Variants in EXOC4 observed in about 807,000 individuals in gnomAD.
EXOC4 encodes the protein SEC8-like 1.
Under a neutral mutation model 107.2 loss-of-function variants are expected in EXOC4, and 71 were observed. The ratio of observed to expected loss-of-function variants is 0.66; its 90% CI spans 0.55 to 0.81. The LOEUF is 0.81. Among genes scored for constraint, EXOC4 ranks in the 30% least tolerant of loss-of-function variants. The pLI is 0.00. For missense variants in EXOC4, 1,108 were observed against 1,189.6 expected, an observed-to-expected ratio of 0.93 and a Z score of 1.01; for synonymous variants, 456 against 441.2, an observed-to-expected ratio of 1.03 and a Z score of -0.42.
intron 17 of EXOC4, among the ~76,000 whole-genome samples, chr7:134,034,510 T>C (rs1052180501): frequency 1.3e-5 from 2 of 152,152 alleles, no homozygotes; most frequent in Non-Finnish European, 2.9e-5. Flanking sequence ...TTCCCCCATG[T>C]TTTTCTCGTG....
intron 17 of EXOC4, among the ~76,000 whole-genome samples, chr7:134,038,890 A>G (rs1163584068): frequency 6.6e-6 from 1 of 152,192 alleles, no homozygotes; most frequent in African/African-American, 2.4e-5. Flanking sequence ...AGATGAATGG[A>G]AGTTTGCTTA....
intron 1 of EXOC4, among the ~76,000 whole-genome samples, chr7:133,272,285 T>C (rs1197368316): frequency 6.6e-6 from 1 of 152,154 alleles, no homozygotes; most frequent in Non-Finnish European, 1.5e-5. Context: ...GAGACCCCAC[T>C]CTGTAGCTGT....
intron 7 of EXOC4, among the ~76,000 whole-genome samples, chr7:133,417,744 G>C (rs946001227): frequency 6.6e-6 from 1 of 151,998 alleles, no homozygotes; most frequent in African/African-American, 2.4e-5. Context: ...AGTACCTTTA[G>C]TCACCATGGT....
At chr7:133,555,109 C>G (rs530525256) in intron 9 of EXOC4, among the ~76,000 whole-genome samples, 4 of 152,290 alleles carry the variant, frequency 2.6e-5, no homozygotes, top group South Asian at 4.1e-4. Flanking sequence ...TTGAGTCCCC[C>G]TCAGCCTAAG....
intron 9 of EXOC4, among the ~76,000 whole-genome samples, chr7:133,519,351 A>G (rs894843363): frequency 5.9e-5 from 9 of 152,102 alleles, no homozygotes; most frequent in Admixed American, 4.6e-4. Flanking sequence ...TGAGCCCAGG[A>G]GGTCGAGGCT....
chr7:133,393,911 GA>G (rs1796912410), intron 7 of EXOC4, among the ~76,000 whole-genome samples: 1 of 152,182 alleles, frequency 6.6e-6, no homozygotes, highest in African/African-American at 2.4e-5. Context: ...TCATGTAGCA[GA>G]AGACTCATAA....
chr7:134,092,116 T>A, the EXOC4 span, among the ~76,000 whole-genome samples: 6 of 152,296 alleles, frequency 3.9e-5, no homozygotes, highest in African/African-American at 1.4e-4. Flanking sequence ...ATTACATTAT[T>A]TTAAATGTCC....
At chr7:133,800,683 A>G (rs1796920674) in intron 10 of EXOC4, among the ~76,000 whole-genome samples, 1 of 152,216 alleles carries the variant, frequency 6.6e-6, no homozygotes, top group Non-Finnish European at 1.5e-5. Flanking sequence ...TTAGGGAAAC[A>G]TTTCACAAAG....
rs1796617608 is a variant in EXOC4 at position 133,787,964 on chromosome 7, TATATA to T, written c.1515-29360_1515-29356del. 3.4e-3 allele frequency among the ~76,000 whole-genome samples: 31 copies of T among 9,242 alleles called. 1 individual carries two copies. Among genetic ancestry groups the T allele is most frequent in the African/African-American group, 8.5e-3 (28 of 3,306 alleles). The allele number at this position is 9,242 out of a possible 152,430, so 6.1% of individuals were successfully genotyped here. ...TTCCCTGTGCATATATTTATATATT[TATATA>T]TATATATATATATATATATATATAT... is the stretch of plus-strand genomic sequence containing the variant. On this transcript the variant is annotated intron_variant, in intron 10 of 17. Coordinates refer to ENST00000253861, the MANE Select transcript of EXOC4 (RefSeq NM_021807.4).
At chr7:133,831,819 A>G (rs780334045) in intron 11 of EXOC4, among the ~76,000 whole-genome samples, 2 of 152,200 alleles carry the variant, frequency 1.3e-5, no homozygotes, top group Non-Finnish European at 2.9e-5. Context: ...GAATATATTC[A>G]TATCCGTATA....
chr7:134,037,274 A>G (rs1795412018), intron 17 of EXOC4, among the ~76,000 whole-genome samples: 1 of 152,188 alleles, frequency 6.6e-6, no homozygotes, highest in Non-Finnish European at 1.5e-5. Context: ...TCCGGATCCT[A>G]CAGAGCTCCA....
At chr7:133,977,971 C>A (rs1385871033) in intron 14 of EXOC4, among the ~76,000 whole-genome samples, 1 of 152,168 alleles carries the variant, frequency 6.6e-6, no homozygotes, top group Non-Finnish European at 1.5e-5. Flanking sequence ...CAAAAGGTTT[C>A]TTTGTACATA....
chr7:133,672,352 C>T (rs1361177322), intron 10 of EXOC4, among the ~76,000 whole-genome samples: 1 of 149,696 alleles, frequency 6.7e-6, no homozygotes, highest in Non-Finnish European at 1.5e-5. Flanking sequence ...GATCGCACCA[C>T]TGCACTCCAG....
At chr7:133,308,251 C>A (rs909666423) in intron 4 of EXOC4, among the ~76,000 whole-genome samples, 4 of 152,060 alleles carry the variant, frequency 2.6e-5, no homozygotes, top group African/African-American at 4.8e-5. Flanking sequence ...TTATGTTCCC[C>A]CTAAAATTCA....
intron 7 of EXOC4, among the ~76,000 whole-genome samples, chr7:133,451,809 G>GT (rs1317471309): frequency 3.9e-5 from 6 of 152,118 alleles, no homozygotes; most frequent in African/African-American, 1.4e-4. Context: ...TTTCCAGTGT[G>GT]TTGGTAGGGT....
chr7:134,046,553 A>AT (rs749917061), intron 17 of EXOC4, among the ~76,000 whole-genome samples: 5,200 of 142,874 alleles, frequency 0.036, 211 homozygotes, highest in African/African-American at 0.096. Context: ...ATTTTATTTG[A>AT]TTTTTTTTTT....
rs576305395 is a variant in EXOC4 at position 133,364,217 on chromosome 7, C to G, written c.1007+7644C>G. The stretch of plus-strand genomic sequence containing the variant: ...CATCATGGCTCACTGTAGCCTTGAC[C>G]CCCCCTGGGCTCAAGAGATCCTCCT... On this transcript the variant is annotated intron_variant, in intron 6 of 17. Transcript: ENST00000253861. Among the ~76,000 whole-genome samples, 21 of 151,854 alleles carry G rather than the reference C, an allele frequency of 1.4e-4. 1 individual carries two copies. Among genetic ancestry groups the G allele is most frequent in the Admixed American group, 4.6e-4 (7 of 15,256 alleles).
At chr7:134,087,781 A>G in the EXOC4 span, among the ~76,000 whole-genome samples, 1 of 152,220 alleles carries the variant, frequency 6.6e-6, no homozygotes, top group Non-Finnish European at 1.5e-5. Context: ...CAAGTGTACC[A>G]TAGTTCTTGA....
chr7:134,080,276 A>G, the EXOC4 span, among the ~76,000 whole-genome samples: 2 of 152,206 alleles, frequency 1.3e-5, no homozygotes, highest in Non-Finnish European at 1.5e-5. Flanking sequence ...TGAGAAAAAA[A>G]GGAGCTTAAG....
Sources: allele counts gnomAD v4.1 joint callset (sites outside exome capture counted in the v4.1 genomes callset), GRCh38; gene constraint gnomAD v4.1.1; transcripts MANE v1.5; gene names NCBI Gene and HGNC (gene_info 2026-07-23, HGNC 2026-07-21).